Variants in GRIA2 observed in about 807,000 individuals in gnomAD.
GRIA2 encodes the protein glutamate ionotropic receptor AMPA type subunit 2, also known as glutamate receptor 2.
GRIA2 carries 14 observed loss-of-function variants against 97.3 expected under a neutral mutation model. That is an observed-to-expected ratio of 0.14 (90% confidence interval 0.10 to 0.23). The LOEUF (loss-of-function observed/expected upper bound fraction) is 0.23, where lower values mean the gene tolerates loss of function less well. Ranked by LOEUF, GRIA2 falls within the 10% of genes least tolerant of loss-of-function variation. The pLI is 1.00. For missense variants in GRIA2, 558 were observed against 1,069.8 expected (o/e 0.52, Z 6.67); for synonymous variants, 412 against 387.8 (o/e 1.06, Z -0.73).
chr4:157,231,922 G>A (rs929506498), intron 2 of GRIA2, among the ~76,000 whole-genome samples: 1 of 152,050 alleles, frequency 6.6e-6, no homozygotes, highest in African/African-American at 2.4e-5. Context: ...AAAAGTATTA[G>A]TATGTCTTGG....
At chr4:157,342,584 A>T in intron 12 of GRIA2, 1 of 300,284 alleles carries the variant, frequency 3.3e-6, no homozygotes, top group Non-Finnish European at 4.9e-6. Context: ...AAAATGTATT[A>T]TCATTTCTAA....
chr4:157,287,639 G>C lies in GRIA2; in HGVS notation c.230-15913G>C, dbSNP rs567349687. 9.2e-5 allele frequency among the ~76,000 whole-genome samples: 14 copies of C among 151,528 alleles called. No individual in the cohort carries two copies. The Admixed American group carries it at 9.3e-4, about 10-fold the overall frequency. ...GAAACTGAAAAATGGTGGGTTTTGT[G>C]GCCTAAGGTTATGAGTTCCAAGAGG... On this transcript the variant is annotated intron_variant, in intron 2 of 15. Coordinates refer to ENST00000264426, the MANE Select transcript of GRIA2 (RefSeq NM_001083619.3).
intron 6 of GRIA2, among the ~76,000 whole-genome samples, chr4:157,330,264 G>A (rs908309196): frequency 6.6e-6 from 1 of 151,910 alleles, no homozygotes; most frequent in African/African-American, 2.4e-5. Context: ...GTCTTCTGAT[G>A]CTAAATGCAA....
In GRIA2 at chr4:157,221,418, C is replaced by G. The variant is rs1267400732; in HGVS notation, c.89-249C>G. 11 of 575,258 alleles carry G rather than the reference C, an allele frequency of 1.9e-5. No homozygotes were observed. The South Asian group carries it at 2.1e-4, about 11-fold the overall frequency. The allele number at this position is 575,258 out of a possible 1,614,324, so 35.6% of individuals were successfully genotyped here. On this transcript the variant is annotated intron_variant, in intron 1 of 15. Coordinates refer to ENST00000264426, the MANE Select transcript of GRIA2 (RefSeq NM_001083619.3). ...CTCAGATTTTCTTGGGGTCTGAATG[C>G]AAAGCTTGTGATTACATGGAAAGGT...
chr4:157,364,246 G>T lies in GRIA2; in HGVS notation c.*815G>T, dbSNP rs1255543311. ...TTTGGTGTTAATATAAAATTACTTG[G>T]CAATGCTTGACATTTGAAATAAACA... On this transcript the variant is annotated 3_prime_UTR_variant, in exon 16 of 16. Coordinates refer to ENST00000264426, the MANE Select transcript of GRIA2 (RefSeq NM_001083619.3). The T allele has an allele frequency of 6.6e-6, 1 of 152,082 alleles. No individual in the cohort carries two copies. The highest frequency in any genetic ancestry group is 1.9e-4 in the East Asian group (1 of 5,164). 9.4% of individuals were successfully genotyped at this position (152,082 alleles called of 1,614,324 possible).
At chr4:157,244,234 AG>A (rs2126723897) in intron 2 of GRIA2, among the ~76,000 whole-genome samples, 1 of 152,144 alleles carries the variant, frequency 6.6e-6, no homozygotes, top group East Asian at 1.9e-4. Flanking sequence ...AGGGAGCAAA[AG>A]GGTGGGCAAA....
intron 12 of GRIA2, among the ~76,000 whole-genome samples, chr4:157,347,833 T>C (rs1317300458): frequency 2.0e-5 from 3 of 152,190 alleles, no homozygotes; most frequent in Non-Finnish European, 4.4e-5. Context: ...AATTAGACTT[T>C]TGATATTTGA....
At chr4:157,327,791 C>T (rs1734871325) in intron 6 of GRIA2, among the ~76,000 whole-genome samples, 1 of 152,092 alleles carries the variant, frequency 6.6e-6, no homozygotes, top group East Asian at 1.9e-4. Flanking sequence ...ACTTCACACG[C>T]AGACTCAAAC....
At chr4:157,268,709 A>T (rs1561019402) in intron 2 of GRIA2, among the ~76,000 whole-genome samples, 1 of 151,952 alleles carries the variant, frequency 6.6e-6, no homozygotes, top group Non-Finnish European at 1.5e-5. Flanking sequence ...AGTAGATCCT[A>T]CTTATTATTT....
intron 3 of GRIA2, 136 bp downstream of exon 3, chr4:157,303,927 C>G: frequency 2.4e-6 from 2 of 819,054 alleles, no homozygotes; most frequent in South Asian, 3.4e-5. Context: ...GTGATAATGA[C>G]TAATGCAATT....
chr4:157,285,201 T>A (rs2126822490), intron 2 of GRIA2, among the ~76,000 whole-genome samples: 1 of 151,756 alleles, frequency 6.6e-6, no homozygotes, highest in Non-Finnish European at 1.5e-5. Context: ...AATTAAGCCT[T>A]CTGAGTCCCT....
At chr4:157,277,568 T>G (rs1732381418) in intron 2 of GRIA2, among the ~76,000 whole-genome samples, 1 of 151,574 alleles carries the variant, frequency 6.6e-6, no homozygotes, top group Non-Finnish European at 1.5e-5. Flanking sequence ...GTTATACAGA[T>G]TGGGAAGGAA....
chr4:157,351,012 C>A (rs2126971768), intron 12 of GRIA2, among the ~76,000 whole-genome samples: 1 of 149,490 alleles, frequency 6.7e-6, no homozygotes, highest in Middle Eastern at 3.5e-3. Context: ...GTAATATCTG[C>A]AAATTTGAAA....
chr4:157,241,111 C>T (rs1730490521), intron 2 of GRIA2, among the ~76,000 whole-genome samples: 1 of 151,978 alleles, frequency 6.6e-6, no homozygotes, highest in South Asian at 2.1e-4. Context: ...GTTCTAAGAA[C>T]GGGTATTTTG....
chr4:157,299,912 A>G (rs1733538242), intron 2 of GRIA2, among the ~76,000 whole-genome samples: 1 of 152,206 alleles, frequency 6.6e-6, no homozygotes, highest in African/African-American at 2.4e-5. Flanking sequence ...TGAGAAACTT[A>G]TAATAGTGTC....
chr4:157,261,746 A>T (rs1731546391), intron 2 of GRIA2, among the ~76,000 whole-genome samples: 1 of 151,988 alleles, frequency 6.6e-6, no homozygotes, highest in Admixed American at 6.6e-5. Flanking sequence ...ATCTTTGGGT[A>T]TTTACATTGT....
At chr4:157,247,557 G>T (rs1340656640) in intron 2 of GRIA2, among the ~76,000 whole-genome samples, 1 of 146,318 alleles carries the variant, frequency 6.8e-6, no homozygotes, top group Non-Finnish European at 1.5e-5. Flanking sequence ...AAGAGGACTT[G>T]TCACATTATT....
intron 2 of GRIA2, among the ~76,000 whole-genome samples, chr4:157,263,563 T>G (rs2126773901): frequency 6.6e-6 from 1 of 152,186 alleles, no homozygotes; most frequent in African/African-American, 2.4e-5. Flanking sequence ...ATCAAAGGGT[T>G]TTGCTACTTC....
chr4:157,246,246 A>T (rs1413141177), intron 2 of GRIA2, among the ~76,000 whole-genome samples: 1 of 151,912 alleles, frequency 6.6e-6, no homozygotes. Flanking sequence ...TTGCTATCTG[A>T]TATTGGACAG....
Sources: gnomAD v4.1 joint callset for allele counts (sites outside exome capture counted in the v4.1 genomes callset) on GRCh38, gnomAD v4.1.1 for gene constraint, MANE v1.5 for transcripts, NCBI Gene and HGNC (gene_info 2026-07-23, HGNC 2026-07-21) for gene names.